The following SPAG17 variants were observed in gnomAD, a reference collection of about 807,000 sequenced individuals.
SPAG17 encodes the protein sperm associated antigen 17.
SPAG17 carries 169 observed loss-of-function variants against 273.6 expected under a neutral mutation model. The ratio of observed to expected loss-of-function variants is 0.62; its 90% CI spans 0.55 to 0.70. The LOEUF is 0.70. Ranked by LOEUF, SPAG17 falls within the 30% of genes least tolerant of loss-of-function variation. The pLI is 0.00. For synonymous variants in SPAG17, 825 were observed against 873.2 expected, an observed-to-expected ratio of 0.94 and a Z score of 0.97; for missense variants, 2,557 against 2,627.8, an observed-to-expected ratio of 0.97 and a Z score of 0.59.
intron 3 of SPAG17, among the ~76,000 whole-genome samples, chr1:118,141,724 A>G (rs1013563304): frequency 1.3e-5 from 2 of 152,222 alleles, no homozygotes; most frequent in Admixed American, 1.3e-4. Context: ...GTTCACGTGA[A>G]GATTTAATAA....
At chr1:118,172,127 C>G (rs1481269228) in intron 1 of SPAG17, among the ~76,000 whole-genome samples, 1 of 152,092 alleles carries the variant, frequency 6.6e-6, no homozygotes, top group Non-Finnish European at 1.5e-5. Flanking sequence ...AATGAAAATA[C>G]AGAAATTGGA....
chr1:117,972,100 T>TAA (rs878970850), intron 44 of SPAG17, 53 bp from the exon 45 acceptor site: 83 of 1,227,812 alleles, frequency 6.8e-5, no homozygotes, highest in South Asian at 8.4e-5. Context: ...TTCCCAAGAT[T>TAA]AAAAAAAAAA....
At chr1:117,982,370 T>G (rs1360559544) in intron 42 of SPAG17, among the ~76,000 whole-genome samples, 2 of 151,930 alleles carry the variant, frequency 1.3e-5, no homozygotes, top group Non-Finnish European at 2.9e-5. Flanking sequence ...GCCTCCCTAG[T>G]AGTTGGGACT....
Position 118,031,680 on chromosome 1 carries a change from A to G in SPAG17, c.3609+12T>C. 6.2e-7 allele frequency: 1 copy of G among 1,610,998 alleles called. No individual in the cohort carries two copies. The highest frequency in any genetic ancestry group is 8.5e-7 in the Non-Finnish European group (1 of 1,178,948). On this transcript the variant is annotated intron_variant, in intron 25 of 48. Transcript: ENST00000336338. ...AAACAGAGTTTGGGAATCTATGGCA[A>G]GGTTCATTTACCTTTTTCTCTTCTT...
intron 24 of SPAG17, among the ~76,000 whole-genome samples, chr1:118,032,365 T>C (rs1252888984): frequency 2.0e-5 from 3 of 152,090 alleles, no homozygotes; most frequent in Admixed American, 6.5e-5. Context: ...GAGAAACTTG[T>C]ATGTGATACA....
chr1:118,054,491 A>T (rs1248702571), intron 19 of SPAG17, among the ~76,000 whole-genome samples: 1 of 152,058 alleles, frequency 6.6e-6, no homozygotes, highest in Non-Finnish European at 1.5e-5. Context: ...GAAGACTTAT[A>T]CTTTTCCGTA....
chr1:118,071,821 T>G (rs113903790), intron 17 of SPAG17, among the ~76,000 whole-genome samples: 1 of 151,842 alleles, frequency 6.6e-6, no homozygotes, highest in South Asian at 2.1e-4. Context: ...AAAGGGAAAT[T>G]GCAGGTTCAG....
intron 23 of SPAG17, among the ~76,000 whole-genome samples, chr1:118,037,548 T>C (rs1649223646): frequency 6.6e-6 from 1 of 152,190 alleles, no homozygotes; most frequent in Non-Finnish European, 1.5e-5. Context: ...TTCCCATCTT[T>C]ATGCCCATGT....
chr1:117,974,510 A>G (rs1489625512), intron 43 of SPAG17, among the ~76,000 whole-genome samples: 2 of 151,550 alleles, frequency 1.3e-5, no homozygotes, highest in East Asian at 2.0e-4. Flanking sequence ...ACTCTGAAAG[A>G]TTTATTAAAA....
At position 118,099,798 on chromosome 1, in the gene SPAG17, C is replaced by G. The variant is rs148273524; in HGVS notation, c.637G>C (p.Asp213His). ...EDDHTNRYID[D>H]EPDDGAQHYI... The stretch of plus-strand genomic sequence containing the variant: ...TGTTGGGCACCATCATCTGGCTCAT[C>G]GTCTGTTCAAAATACCATAAAGAAG... The change falls in exon 6 of 49, where the codon GAT becomes CAT. Residue 213 changes from aspartate to histidine, a missense_variant and splice_region_variant. Transcript: ENST00000336338. 2 of 1,611,550 alleles carry G rather than the reference C, an allele frequency of 1.2e-6. No individual in the cohort carries two copies. Among genetic ancestry groups the G allele is most frequent in the Non-Finnish European group, 8.5e-7 (1 of 1,179,448 alleles).
intron 3 of SPAG17, among the ~76,000 whole-genome samples, chr1:118,125,572 CTT>C (rs1485243842): frequency 6.6e-6 from 1 of 152,178 alleles, no homozygotes; most frequent in Non-Finnish European, 1.5e-5. Context: ...CGACTCCACT[CTT>C]TACATCTATA....
chr1:118,076,384 G>A (rs1190612275), intron 15 of SPAG17: 1 of 152,090 alleles, frequency 6.6e-6, no homozygotes, highest in Admixed American at 6.6e-5. Context: ...GTGACAGCAT[G>A]AACGTTCCAT....
chr1:117,997,155 T>C (rs1398090046), intron 32 of SPAG17, among the ~76,000 whole-genome samples: 1 of 152,118 alleles, frequency 6.6e-6, no homozygotes, highest in African/African-American at 2.4e-5. Context: ...CACACAATTG[T>C]GGCTCATGGG....
At chr1:117,971,213 A>G (rs1459905692) in intron 45 of SPAG17, among the ~76,000 whole-genome samples, 1 of 152,230 alleles carries the variant, frequency 6.6e-6, no homozygotes, top group Non-Finnish European at 1.5e-5. Flanking sequence ...ACAATAGTGG[A>G]CATTTTGTAA....
intron 10 of SPAG17, among the ~76,000 whole-genome samples, 192 bp downstream of exon 10, chr1:118,091,414 A>G (rs532235354): frequency 6.6e-6 from 1 of 152,366 alleles, no homozygotes; most frequent in Admixed American, 6.5e-5. Flanking sequence ...GCTTCAGAGC[A>G]TAGCAAAAGA....
intron 32 of SPAG17, among the ~76,000 whole-genome samples, chr1:118,002,745 A>G (rs774385048): frequency 2.6e-5 from 4 of 152,106 alleles, no homozygotes; most frequent in Non-Finnish European, 5.9e-5. Flanking sequence ...GGTCTCCTGA[A>G]TGCAGCACAC....
chr1:118,016,776 C>T (rs1003798173), intron 28 of SPAG17, among the ~76,000 whole-genome samples: 2 of 152,184 alleles, frequency 1.3e-5, no homozygotes, highest in African/African-American at 4.8e-5. Context: ...ATACATTTTC[C>T]TCTCCATCCT....
rs532885909 is a variant in SPAG17 at position 118,157,210 on chromosome 1, A to G, written c.88-5841T>C. Among the ~76,000 whole-genome samples, 3 of 152,286 alleles carry G rather than the reference A, an allele frequency of 2.0e-5. No homozygotes were observed. In the South Asian group the frequency reaches 6.2e-4, roughly 32 times the overall value. Reference sequence around the variant, plus strand: ...CCATCCCAGGAAGAGCTGCATGTCTAAGACTGACTTAGTTATGATTTTCAT... The same window carrying G: ...CCATCCCAGGAAGAGCTGCATGTCTGAGACTGACTTAGTTATGATTTTCAT... On this transcript the variant is annotated intron_variant, in intron 1 of 48. Coordinates refer to ENST00000336338, the MANE Select transcript of SPAG17 (RefSeq NM_206996.4).
intron 28 of SPAG17, among the ~76,000 whole-genome samples, chr1:118,019,128 G>T (rs974285379): frequency 1.2e-4 from 18 of 150,132 alleles, no homozygotes; most frequent in Admixed American, 4.0e-4. Context: ...AAAAAGTACC[G>T]AGACACAATG....
Sources: gnomAD v4.1 joint callset for allele counts (sites outside exome capture counted in the v4.1 genomes callset) on GRCh38, gnomAD v4.1.1 for gene constraint, MANE v1.5 for transcripts, NCBI Gene and HGNC (gene_info 2026-07-23, HGNC 2026-07-21) for gene names.